VPS39: variants seen among roughly 807,000 people sequenced by gnomAD.
The protein encoded by VPS39 is VPS39 subunit of HOPS complex.
Under a neutral mutation model 121.0 loss-of-function variants are expected in VPS39, and 70 were observed. That is an observed-to-expected ratio of 0.58 (90% CI 0.48 to 0.71). The LOEUF (loss-of-function observed/expected upper bound fraction) is 0.71. Ranked by LOEUF, VPS39 falls within the 30% of genes least tolerant of loss-of-function variation. The probability of loss-of-function intolerance (pLI) is 0.00; values close to 1 mark genes in which losing one functional copy is unlikely to be tolerated. For synonymous variants in VPS39, 378 were observed against 398.1 expected (o/e 0.95, Z 0.60); for missense variants, 818 against 1,051.5 (o/e 0.78, Z 3.07).
At position 42,208,175 on chromosome 15, in the gene VPS39, A is replaced by T. The variant is rs1408142344; in HGVS notation, c.-22T>A. 3 of 1,559,336 alleles carry T rather than the reference A, an allele frequency of 1.9e-6. No individual in the cohort carries two copies. Among genetic ancestry groups the T allele is most frequent in the Non-Finnish European group, 2.6e-6 (3 of 1,151,754 alleles). On this transcript the variant is annotated 5_prime_UTR_variant, in exon 1 of 25. Transcript: ENST00000318006. ...GCATGGCGGCAAGGGGAGAGTTGCC[A>T]CCGCCGTCTCGCCCAGAGTGTTCCG...
Position 42,178,174 on chromosome 15 carries a change from TC to T in VPS39, c.960+43del, listed in dbSNP as rs539159036. The T allele has an allele frequency of 1.5e-4, 244 of 1,609,890 alleles. 2 individuals carry two copies. In the East Asian group the frequency reaches 4.9e-3, roughly 32 times the overall value. ...ACATTGAAACCCAAATCACCTACTT[TC>T]AAGAACAATAAGGAAGGAAGACTAG... On this transcript the variant is annotated intron_variant, in intron 10 of 24. Transcript: ENST00000318006.
chr15:42,194,678 A>G (rs1017480510), intron 2 of VPS39, among the ~76,000 whole-genome samples: 3 of 151,888 alleles, frequency 2.0e-5, no homozygotes, highest in Non-Finnish European at 4.4e-5. Context: ...GGTTGCAGTG[A>G]GTCATGATTG....
intron 2 of VPS39, among the ~76,000 whole-genome samples, chr15:42,198,487 A>G (rs1326242881): frequency 6.6e-6 from 1 of 152,134 alleles, no homozygotes; most frequent in Non-Finnish European, 1.5e-5. Context: ...AGCAGCTGGA[A>G]TTATAAGCAC....
chr15:42,183,676 C>T, intron 8 of VPS39, among the ~76,000 whole-genome samples: 1 of 152,154 alleles, frequency 6.6e-6, no homozygotes, highest in South Asian at 2.1e-4. Context: ...TCAGTCTTAC[C>T]TATGTAATGA....
chr15:42,183,102 T>G (rs2049618599), intron 8 of VPS39, among the ~76,000 whole-genome samples: 1 of 147,804 alleles, frequency 6.8e-6, no homozygotes, highest in African/African-American at 2.5e-5. Flanking sequence ...ATGATGTGTT[T>G]TTTGTTTTTT....
At chr15:42,203,654 TA>T (rs1357500945) in intron 1 of VPS39, among the ~76,000 whole-genome samples, 1 of 151,854 alleles carries the variant, frequency 6.6e-6, no homozygotes, top group Non-Finnish European at 1.5e-5. Context: ...AAAAAAAAAT[TA>T]ATTAAAAAAA....
intron 2 of VPS39, among the ~76,000 whole-genome samples, chr15:42,192,736 T>G (rs1419310245): frequency 6.6e-6 from 1 of 152,172 alleles, no homozygotes; most frequent in Admixed American, 6.5e-5. Flanking sequence ...AAGCGTCCTA[T>G]TATTGCATTT....
chr15:42,162,146 T>G lies in VPS39; in HGVS notation c.2346A>C (p.Ala782=). The G allele has an allele frequency of 6.2e-7, 1 of 1,614,168 alleles. No homozygotes were observed. The change falls in exon 23 of 25, where the codon GCA becomes GCC. Residue 782 remains alanine, a synonymous_variant. Transcript: ENST00000318006. ...DTTKALNLLP[A]NTQINDIRIF... Reference sequence around the variant, plus strand: ...TGCGTATGTCATTGATCTGAGTGTTTGCTGGCAGAAGGTTGAGGGCCTAGG... The same window carrying G: ...TGCGTATGTCATTGATCTGAGTGTTGGCTGGCAGAAGGTTGAGGGCCTAGG...
At position 42,205,190 on chromosome 15, in the gene VPS39, A is replaced by C. The variant is rs115707037; in HGVS notation, c.73+2891T>G. On this transcript the variant is annotated intron_variant, in intron 1 of 24. Transcript: ENST00000318006. ...TTAGGTACTGCAGATATAGCAATGC[A>C]GAAAACAAAGATACTGCCCTGAGGG... is the stretch of plus-strand genomic sequence containing the variant. Among the ~76,000 whole-genome samples the C allele has an allele frequency of 6.5e-3, 992 of 152,296 alleles. 9 individuals are homozygous for C. Among genetic ancestry groups the C allele is most frequent in the African/African-American group, 0.023 (966 of 41,552 alleles).
chr15:42,176,204 G>A (rs1342559722), intron 10 of VPS39, among the ~76,000 whole-genome samples: 1 of 152,084 alleles, frequency 6.6e-6, no homozygotes, highest in African/African-American at 2.4e-5. Flanking sequence ...CCTGAACTAG[G>A]AAGATCACTG....
At chr15:42,180,459 T>C (rs965292875) in intron 8 of VPS39, among the ~76,000 whole-genome samples, 2 of 152,346 alleles carry the variant, frequency 1.3e-5, no homozygotes, top group South Asian at 4.1e-4. Flanking sequence ...CTTAAAATGC[T>C]GGATGAAGCA....
At chr15:42,192,128 T>C (rs2049841630) in intron 2 of VPS39, 11 of 1,535,974 alleles carry the variant, frequency 7.2e-6, no homozygotes, top group Non-Finnish European at 8.7e-6. Context: ...GAAAGTTATA[T>C]ACCATAAAAA....
chr15:42,200,980 G>A lies in VPS39; in HGVS notation c.74-1019C>T, dbSNP rs77912017. ...CCACGTGATTCCATTTATATGAAATGTCCAGAGTAGGCAAATCCACAGAGG... is the reference window on the plus strand; with the variant it reads ...CCACGTGATTCCATTTATATGAAATATCCAGAGTAGGCAAATCCACAGAGG... On this transcript the variant is annotated intron_variant, in intron 1 of 24. Coordinates refer to ENST00000318006, the MANE Select transcript of VPS39 (RefSeq NM_015289.5). 5.3e-4 allele frequency among the ~76,000 whole-genome samples: 80 copies of A among 152,318 alleles called. 2 individuals carry two copies. The East Asian group carries it at 0.015, about 29-fold the overall frequency.
chr15:42,192,216 T>G, intron 2 of VPS39: 1 of 958,808 alleles, frequency 1.0e-6, no homozygotes, highest in East Asian at 2.6e-5. Flanking sequence ...AGAGAATAAT[T>G]ATCATCATCA....
rs951189099 is a variant in VPS39 at position 42,165,371 on chromosome 15, G to A, written c.1780-258C>T. 3.8e-5 allele frequency: 21 copies of A among 547,206 alleles called. 1 individual carries two copies. Among genetic ancestry groups the A allele is most frequent in the South Asian group, 3.8e-4 (16 of 41,908 alleles). The allele number at this position is 547,206 out of a possible 1,614,324, so 33.9% of individuals were successfully genotyped here. A position where few individuals can be genotyped will look rare whatever the true frequency, so the allele number is the denominator to read the frequency against. ...CCATAATCCTCCAAACTCTCATAGCGACTCATGTAATTGTGGTTAAATATC... is the reference window on the plus strand; with the variant it reads ...CCATAATCCTCCAAACTCTCATAGCAACTCATGTAATTGTGGTTAAATATC... On this transcript the variant is annotated intron_variant, in intron 17 of 24. Transcript: ENST00000318006.
intron 11 of VPS39, 44 bp from the exon 12 acceptor site, chr15:42,169,910 A>G (rs552306959): frequency 1.3e-6 from 2 of 1,574,854 alleles, no homozygotes; most frequent in South Asian, 1.2e-5. Context: ...GGAGCCCAAC[A>G]ATTTAGGGAT....
In VPS39 at chr15:42,166,137, C is replaced by T. The variant is rs376049033; in HGVS notation, c.1680+22G>A. 5.6e-6 allele frequency: 9 copies of T among 1,610,816 alleles called. No homozygotes were observed. In the African/African-American group the frequency reaches 1.1e-4, roughly 19 times the overall value. On this transcript the variant is annotated intron_variant, in intron 16 of 24. Transcript: ENST00000318006. The stretch of plus-strand genomic sequence containing the variant: ...AGAACCAAGTGTTTACCAGATAAAT[C>T]CAAGGGACTCCTGTGGCTCACCTTC...
At position 42,208,115 on chromosome 15, in the gene VPS39, C is replaced by CT; in HGVS notation, c.38dup (p.Leu14AlafsTer28). ...CCAGACAGTCGATTTGCAGAGGCAG[C>CT]TTTTCTAGGATCGGCACTGGCTCGA... On this transcript the variant is annotated frameshift_variant, in exon 1 of 25. Coordinates refer to ENST00000318006, the MANE Select transcript of VPS39 (RefSeq NM_015289.5). LOFTEE classifies it high-confidence loss of function. 1 of 1,590,752 alleles carries CT rather than the reference C, an allele frequency of 6.3e-7. No homozygotes were observed. Among genetic ancestry groups the CT allele is most frequent in the Admixed American group, 1.7e-5 (1 of 57,318 alleles).
At chr15:42,165,264 C>G (rs760258016) in intron 17 of VPS39, 151 bp from the exon 18 acceptor site, 4 of 693,140 alleles carry the variant, frequency 5.8e-6, no homozygotes, top group Non-Finnish European at 9.8e-6. Flanking sequence ...TCGTCTAAAG[C>G]CACCAGGAAG....
Sources: gnomAD v4.1 joint callset for allele counts (sites outside exome capture counted in the v4.1 genomes callset) on GRCh38, gnomAD v4.1.1 for gene constraint, MANE v1.5 for transcripts, NCBI Gene and HGNC (gene_info 2026-07-23, HGNC 2026-07-21) for gene names.